Variants in CHCHD3 observed in about 807,000 individuals in gnomAD.
CHCHD3 encodes the protein coiled-coil-helix-coiled-coil-helix domain containing 3.
A neutral mutation model predicts 38.2 loss-of-function variants in CHCHD3; 20 were observed. That is an observed-to-expected ratio of 0.52 (90% CI 0.37 to 0.76). The LOEUF is 0.76. Among genes scored for constraint, CHCHD3 ranks in the 30% least tolerant of loss-of-function variants. The probability of loss-of-function intolerance (pLI) is 0.00; values close to 1 mark genes in which losing one functional copy is unlikely to be tolerated. For missense variants in CHCHD3, 245 were observed against 279.2 expected (o/e 0.88, Z 0.87); for synonymous variants, 82 against 100.0 (o/e 0.82, Z 1.07).
At chr7:132,960,316 G>C (rs1411754988) in intron 4 of CHCHD3, among the ~76,000 whole-genome samples, 2 of 152,120 alleles carry the variant, frequency 1.3e-5, no homozygotes, top group Admixed American at 6.5e-5. Flanking sequence ...TACACACAGA[G>C]AGCATATGTA....
chr7:132,922,921 C>T (rs1810295944), intron 4 of CHCHD3, among the ~76,000 whole-genome samples: 1 of 152,168 alleles, frequency 6.6e-6, no homozygotes, highest in Admixed American at 6.5e-5. Context: ...CAAACCTATC[C>T]ATCCATGATT....
intron 4 of CHCHD3, among the ~76,000 whole-genome samples, chr7:132,911,640 A>C (rs1364082403): frequency 6.6e-6 from 1 of 152,228 alleles, no homozygotes. Flanking sequence ...GGTCATCCCA[A>C]CTTCAGCCTA....
At chr7:132,956,691 T>C (rs1362747088) in intron 4 of CHCHD3, among the ~76,000 whole-genome samples, 1 of 152,212 alleles carries the variant, frequency 6.6e-6, no homozygotes, top group Admixed American at 6.5e-5. Context: ...TTACTCACTA[T>C]CTCACTCATT....
At chr7:133,073,644 C>A (rs548033580) in intron 1 of CHCHD3, among the ~76,000 whole-genome samples, 4 of 152,164 alleles carry the variant, frequency 2.6e-5, no homozygotes, top group Admixed American at 2.6e-4. Flanking sequence ...GCTCTGACTT[C>A]ATCAATCCCT....
chr7:132,812,861 C>T (rs1807107101), intron 6 of CHCHD3, among the ~76,000 whole-genome samples: 1 of 152,178 alleles, frequency 6.6e-6, no homozygotes, highest in Non-Finnish European at 1.5e-5. Context: ...CTTCAGAACC[C>T]CAAAGGAGCT....
intron 4 of CHCHD3, among the ~76,000 whole-genome samples, chr7:132,956,620 A>T (rs1811176133): frequency 6.6e-6 from 1 of 152,246 alleles, no homozygotes; most frequent in Non-Finnish European, 1.5e-5. Flanking sequence ...CATTCTCTGT[A>T]TTCAGTGACC....
chr7:132,977,309 G>C (rs1311776766), intron 3 of CHCHD3, among the ~76,000 whole-genome samples: 1 of 152,162 alleles, frequency 6.6e-6, no homozygotes, highest in Non-Finnish European at 1.5e-5. Context: ...ATAGTGCCTA[G>C]CAAACTGTCT....
chr7:132,807,045 G>A (rs1273801291), intron 6 of CHCHD3, among the ~76,000 whole-genome samples: 1 of 152,158 alleles, frequency 6.6e-6, no homozygotes, highest in Non-Finnish European at 1.5e-5. Context: ...TTGCTGGGTG[G>A]GAAACCTCAC....
At chr7:133,058,923 G>T (rs142240791) in intron 2 of CHCHD3, among the ~76,000 whole-genome samples, 3 of 152,076 alleles carry the variant, frequency 2.0e-5, no homozygotes, top group East Asian at 1.9e-4. Context: ...TTGAGCACAC[G>T]GGGAGCTCCC....
chr7:133,050,783 G>A (rs148946430), intron 2 of CHCHD3, among the ~76,000 whole-genome samples: 11 of 152,214 alleles, frequency 7.2e-5, no homozygotes, highest in Non-Finnish European at 1.2e-4. Context: ...GGGAGGATGA[G>A]GGAGATAGAC....
At chr7:132,877,026 C>T (rs1224279253) in intron 5 of CHCHD3, among the ~76,000 whole-genome samples, 10 of 152,136 alleles carry the variant, frequency 6.6e-5, no homozygotes, top group Admixed American at 6.5e-4. Context: ...GTTAATACTT[C>T]TTGACAGCCT....
At chr7:132,892,314 G>C (rs1383265413) in intron 4 of CHCHD3, among the ~76,000 whole-genome samples, 2 of 152,210 alleles carry the variant, frequency 1.3e-5, no homozygotes, top group East Asian at 3.8e-4. Context: ...TGGAGCAAAG[G>C]TGACACTTGC....
intron 5 of CHCHD3, among the ~76,000 whole-genome samples, chr7:132,840,927 C>T (rs925792536): frequency 2.0e-5 from 3 of 152,014 alleles, no homozygotes; most frequent in African/African-American, 4.8e-5. Context: ...CACACACACA[C>T]ACGCAATCAC....
chr7:132,947,840 T>C (rs190409948), intron 4 of CHCHD3, among the ~76,000 whole-genome samples: 58 of 152,158 alleles, frequency 3.8e-4, no homozygotes, highest in Admixed American at 3.3e-3. Flanking sequence ...TAATTAAACA[T>C]TAAATGAAAT....
At chr7:133,017,539 T>C (rs1443840634) in intron 3 of CHCHD3, among the ~76,000 whole-genome samples, 1 of 152,170 alleles carries the variant, frequency 6.6e-6, no homozygotes, top group Non-Finnish European at 1.5e-5. Flanking sequence ...GAAATTGACT[T>C]TGGCACAAAT....
intron 2 of CHCHD3, among the ~76,000 whole-genome samples, chr7:133,041,551 C>T (rs895900232): frequency 5.3e-5 from 8 of 152,150 alleles, no homozygotes; most frequent in African/African-American, 1.2e-4. Context: ...CTAAGTGAAG[C>T]GATGCTCTTG....
intron 6 of CHCHD3, among the ~76,000 whole-genome samples, chr7:132,797,753 A>G (rs1806657080): frequency 6.6e-6 from 1 of 152,222 alleles, no homozygotes; most frequent in African/African-American, 2.4e-5. Flanking sequence ...CAAAAACCTT[A>G]TAATATATGC....
intron 4 of CHCHD3, among the ~76,000 whole-genome samples, chr7:132,919,275 A>AT (rs1409074266): frequency 5.3e-5 from 8 of 151,598 alleles, no homozygotes; most frequent in African/African-American, 1.7e-4. Flanking sequence ...TGCCTGGCTA[A>AT]TTTTTTGTAT....
At chr7:132,850,195 T>C (rs953839448) in intron 5 of CHCHD3, among the ~76,000 whole-genome samples, 5 of 152,156 alleles carry the variant, frequency 3.3e-5, no homozygotes, top group Non-Finnish European at 7.4e-5. Flanking sequence ...CAGGAAGAAT[T>C]AAAAAATGTC....
Sources: gnomAD v4.1 joint callset for allele counts (sites outside exome capture counted in the v4.1 genomes callset) on GRCh38, gnomAD v4.1.1 for gene constraint, MANE v1.5 for transcripts, NCBI Gene and HGNC (gene_info 2026-07-23, HGNC 2026-07-21) for gene names.